The following CNTN5 variants were observed in gnomAD, a reference collection of about 807,000 sequenced individuals.
CNTN5 encodes contactin 5.
Under a neutral mutation model 129.1 loss-of-function variants are expected in CNTN5, and 77 were observed. The ratio of observed to expected loss-of-function variants is 0.60; its 90% confidence interval spans 0.50 to 0.72. The LOEUF (loss-of-function observed/expected upper bound fraction) is 0.72, where lower values mean the gene tolerates loss of function less well. CNTN5 is among the 30% of genes least tolerant of loss of function. The probability of loss-of-function intolerance (pLI) is 0.00; values close to 1 mark genes in which losing one functional copy is unlikely to be tolerated. For missense variants in CNTN5, 1,478 were observed against 1,328.8 expected, an observed-to-expected ratio of 1.11 and a Z score of -1.75; for synonymous variants, 509 against 465.6, an observed-to-expected ratio of 1.09 and a Z score of -1.20.
chr11:99,821,173 C>A (rs1235219311), intron 4 of CNTN5, among the ~76,000 whole-genome samples: 1 of 152,130 alleles, frequency 6.6e-6, no homozygotes, highest in Non-Finnish European at 1.5e-5. Flanking sequence ...GAACTGTGAT[C>A]TACTTGTATA....
intron 4 of CNTN5, among the ~76,000 whole-genome samples, chr11:99,821,453 A>C (rs1946798611): frequency 6.6e-6 from 1 of 152,166 alleles, no homozygotes; most frequent in Admixed American, 6.6e-5. Context: ...CATATTTCAC[A>C]GTATTTCAAA....
intron 13 of CNTN5, among the ~76,000 whole-genome samples, chr11:100,171,698 T>C (rs1428430423): frequency 1.3e-5 from 2 of 152,034 alleles, no homozygotes; most frequent in South Asian, 2.1e-4. Flanking sequence ...TCTGAAAGCA[T>C]TTACTTAGCT....
intron 13 of CNTN5, among the ~76,000 whole-genome samples, chr11:100,088,622 A>T (rs531954081): frequency 1.3e-4 from 20 of 152,238 alleles, no homozygotes; most frequent in African/African-American, 4.8e-4. Context: ...TATGCACACA[A>T]ATCAGAATAT....
At chr11:99,339,553 G>C (rs1280897861) in intron 2 of CNTN5, among the ~76,000 whole-genome samples, 1 of 152,092 alleles carries the variant, frequency 6.6e-6, no homozygotes, top group East Asian at 1.9e-4. Flanking sequence ...GCCGAGACGG[G>C]TGGATCACGA....
At chr11:99,295,832 C>T (rs967289211) in intron 1 of CNTN5, among the ~76,000 whole-genome samples, 14 of 146,484 alleles carry the variant, frequency 9.6e-5, no homozygotes, top group East Asian at 4.1e-4. Context: ...GCCGAGATTG[C>T]GCCACTGCAG....
In CNTN5 at chr11:100,061,367, C is replaced by G; in HGVS notation, c.1136C>G (p.Ser379Cys). Residue 379 changes from serine (S) to cysteine (C), a missense_variant, in exon 10 of 25, where the codon TCC becomes TGC. Coordinates refer to ENST00000524871, the MANE Select transcript of CNTN5 (RefSeq NM_014361.4). ...GCTGAAAACTCACGTGGAAAAAATT[C>G]CTTTCGTGGACAATTACAAGTATAC... ...CRAENSRGKN[S>C]FRGQLQVYTY... is the part of the protein sequence containing the mutation. 6.3e-7 allele frequency: 1 copy of G among 1,598,070 alleles called. No individual in the cohort carries two copies. The highest frequency in any genetic ancestry group is 8.6e-7 in the Non-Finnish European group (1 of 1,167,816).
intron 3 of CNTN5, among the ~76,000 whole-genome samples, chr11:99,593,291 AAAATAAAT>A (rs1303107411): frequency 6.6e-6 from 1 of 152,142 alleles, no homozygotes; most frequent in Non-Finnish European, 1.5e-5. Context: ...ATATGTAATA[AAAATAAAT>A]AAATAACAAC....
At chr11:100,265,158 C>G (rs1950276945) in intron 17 of CNTN5, among the ~76,000 whole-genome samples, 2 of 152,080 alleles carry the variant, frequency 1.3e-5, no homozygotes, top group African/African-American at 4.8e-5. Context: ...TGTACTTATA[C>G]AAAAGTTTTC....
intron 13 of CNTN5, among the ~76,000 whole-genome samples, chr11:100,138,185 G>T (rs1946583640): frequency 6.6e-6 from 1 of 151,534 alleles, no homozygotes. Context: ...TGATTTAAGG[G>T]TACTTTTAAA....
At chr11:99,121,138 T>TA (rs201431995) in intron 1 of CNTN5, among the ~76,000 whole-genome samples, 7,107 of 146,896 alleles carry the variant, frequency 0.048, 195 homozygotes, top group Middle Eastern at 0.066. Context: ...TTTCTTTCTT[T>TA]TTTTTTTTTT....
intron 15 of CNTN5, among the ~76,000 whole-genome samples, chr11:100,201,153 A>T (rs1392573375): frequency 1.3e-5 from 2 of 151,946 alleles, no homozygotes; most frequent in African/African-American, 4.8e-5. Context: ...TATTAAACCA[A>T]ATTCTCACCT....
At chr11:99,805,340 CA>C (rs1946236042) in intron 3 of CNTN5, among the ~76,000 whole-genome samples, 1 of 152,110 alleles carries the variant, frequency 6.6e-6, no homozygotes, top group Non-Finnish European at 1.5e-5. Context: ...TTCACCTAGG[CA>C]ATTACATAAA....
intron 13 of CNTN5, among the ~76,000 whole-genome samples, chr11:100,082,756 G>T (rs545764112): frequency 2.0e-5 from 3 of 152,210 alleles, no homozygotes; most frequent in Admixed American, 6.5e-5. Context: ...AATAAATGCA[G>T]CTAATTGTTC....
intron 7 of CNTN5, among the ~76,000 whole-genome samples, chr11:99,953,286 A>T (rs1950719575): frequency 6.6e-6 from 1 of 152,172 alleles, no homozygotes. Flanking sequence ...TAGGGGAGCA[A>T]AGAGAAGATC....
chr11:99,297,300 C>T (rs1051467505), intron 1 of CNTN5, among the ~76,000 whole-genome samples: 2 of 152,160 alleles, frequency 1.3e-5, no homozygotes, highest in African/African-American at 4.8e-5. Context: ...CAGGTAGCTG[C>T]TTCTCAGTAG....
chr11:99,268,393 G>T (rs1282211361), intron 1 of CNTN5, among the ~76,000 whole-genome samples: 1 of 151,410 alleles, frequency 6.6e-6, no homozygotes, highest in African/African-American at 2.4e-5. Context: ...TAATAAAATT[G>T]AAAATTATGA....
At chr11:99,823,081 G>A (rs1164511087) in intron 4 of CNTN5, among the ~76,000 whole-genome samples, 1 of 152,134 alleles carries the variant, frequency 6.6e-6, no homozygotes, top group Non-Finnish European at 1.5e-5. Context: ...GTTTACACGT[G>A]TATCCGTACC....
chr11:100,210,133 C>T (rs1235998481), intron 15 of CNTN5, among the ~76,000 whole-genome samples: 1 of 143,548 alleles, frequency 7.0e-6, no homozygotes, highest in East Asian at 2.0e-4. Context: ...CCCAAGAGTT[C>T]GAGATCAGCC....
intron 3 of CNTN5, among the ~76,000 whole-genome samples, chr11:99,680,033 G>C (rs999603322): frequency 6.6e-6 from 1 of 152,152 alleles, no homozygotes; most frequent in Admixed American, 6.5e-5. Context: ...AATCCTGAGA[G>C]AGATGAGGAA....
Sources: allele counts gnomAD v4.1 joint callset (sites outside exome capture counted in the v4.1 genomes callset), GRCh38; gene constraint gnomAD v4.1.1; transcripts MANE v1.5; gene names NCBI Gene and HGNC (gene_info 2026-07-23, HGNC 2026-07-21).